PDZRN4: variants seen among roughly 807,000 people sequenced by gnomAD.
PDZRN4 encodes the protein PDZ domain-containing RING finger protein 4.
PDZRN4 carries 70 observed loss-of-function variants against 99.0 expected under a neutral mutation model. The ratio of observed to expected loss-of-function variants is 0.71; its 90% CI spans 0.58 to 0.86. The LOEUF is 0.86. Ranked by LOEUF, PDZRN4 falls within the 40% of genes least tolerant of loss-of-function variation. The pLI, the probability that PDZRN4 is intolerant of heterozygous loss-of-function variation, is 0.00. For synonymous variants in PDZRN4, 551 were observed against 501.6 expected (o/e 1.10, Z -1.32); for missense variants, 1,474 against 1,331.2 (o/e 1.11, Z -1.67).
rs1368695309 is a variant in PDZRN4 at position 41,509,800 on chromosome 12, A to T, written c.1101-11A>T. 2 of 1,313,264 alleles carry T rather than the reference A, an allele frequency of 1.5e-6. No individual in the cohort carries two copies. The highest frequency in any genetic ancestry group is 1.9e-5 in the Admixed American group (1 of 52,352). 81.4% of individuals were successfully genotyped at this position (1,313,264 alleles called of 1,614,324 possible). Reference sequence around the variant, plus strand: ...TAATCTATTCCTATCATATTGCTACATTCCCCATAGCTGCCATTCTCTACA... The same window carrying T: ...TAATCTATTCCTATCATATTGCTACTTTCCCCATAGCTGCCATTCTCTACA... On this transcript the variant is annotated splice_polypyrimidine_tract_variant and intron_variant, in intron 4 of 9. Coordinates refer to ENST00000402685, the MANE Select transcript of PDZRN4 (RefSeq NM_001164595.2).
At chr12:41,286,697 A>G (rs533984949) in intron 3 of PDZRN4, among the ~76,000 whole-genome samples, 120 of 152,268 alleles carry the variant, frequency 7.9e-4, no homozygotes, top group Middle Eastern at 3.4e-3. Context: ...GTTCACTACA[A>G]GTCTTTGCTT....
Position 41,382,361 on chromosome 12 carries a change from C to A in PDZRN4, c.844-124095C>A, listed in dbSNP as rs115712839. ...GTATGGTCACTGACTAGTTTCCCTG[C>A]GCTGTGCATGTCCACTGGCTGACCA... is the stretch of plus-strand genomic sequence containing the variant. On this transcript the variant is annotated intron_variant, in intron 3 of 9. Coordinates refer to ENST00000402685, the MANE Select transcript of PDZRN4 (RefSeq NM_001164595.2). Among the ~76,000 whole-genome samples the A allele has an allele frequency of 6.6e-4, 100 of 152,262 alleles. 1 individual carries two copies. The highest frequency in any genetic ancestry group is 1.9e-3 in the African/African-American group (77 of 41,562).
chr12:41,555,222 C>A (rs1437297274), intron 6 of PDZRN4, among the ~76,000 whole-genome samples: 1 of 14,878 alleles, frequency 6.7e-5, no homozygotes, highest in African/African-American at 2.5e-4. Context: ...CAGAGCCAGA[C>A]TCTGTCTCAA....
chr12:41,408,605 C>A lies in PDZRN4; in HGVS notation c.844-97851C>A, dbSNP rs1173592938. The stretch of plus-strand genomic sequence containing the variant: ...TGGAAAGATTATATGGCTTCTCTTA[C>A]AACTGGAGGTCTGCTGAAGACTTTG... On this transcript the variant is annotated intron_variant, in intron 3 of 9. Coordinates refer to ENST00000402685, the MANE Select transcript of PDZRN4 (RefSeq NM_001164595.2). 2.0e-5 allele frequency among the ~76,000 whole-genome samples: 3 copies of A among 152,182 alleles called. No homozygotes were observed. In the South Asian group the frequency reaches 6.2e-4, roughly 32 times the overall value.
chr12:41,257,439 C>T (rs2120822942), intron 3 of PDZRN4, among the ~76,000 whole-genome samples: 1 of 152,176 alleles, frequency 6.6e-6, no homozygotes, highest in East Asian at 1.9e-4. Context: ...ATACCATCGA[C>T]TTAGTGATTA....
chr12:41,337,199 G>A (rs1022517479), intron 3 of PDZRN4, among the ~76,000 whole-genome samples: 1 of 152,106 alleles, frequency 6.6e-6, no homozygotes, highest in African/African-American at 2.4e-5. Context: ...GCAAGATGGA[G>A]TTAGTTAGGT....
chr12:41,492,470 G>A (rs1937906476), intron 3 of PDZRN4, among the ~76,000 whole-genome samples: 1 of 152,156 alleles, frequency 6.6e-6, no homozygotes, highest in African/African-American at 2.4e-5. Flanking sequence ...ACTATTCAAA[G>A]TAAAAGCCAT....
intron 3 of PDZRN4, among the ~76,000 whole-genome samples, chr12:41,313,858 A>G (rs929751878): frequency 6.6e-6 from 1 of 152,182 alleles, no homozygotes; most frequent in Non-Finnish European, 1.5e-5. Context: ...TCATTCTACC[A>G]TCTGTATTCT....
intron 3 of PDZRN4, among the ~76,000 whole-genome samples, chr12:41,442,224 A>G (rs924361065): frequency 1.3e-5 from 2 of 151,896 alleles, no homozygotes; most frequent in African/African-American, 2.4e-5. Context: ...AGGCCTCCCA[A>G]TTTGGACCCT....
intron 1 of PDZRN4, among the ~76,000 whole-genome samples, chr12:41,189,863 G>T (rs1269152075): frequency 3.7e-4 from 57 of 152,090 alleles, no homozygotes; most frequent in Non-Finnish European, 5.9e-5. Flanking sequence ...CCGGCCCTGC[G>T]AGCCCCCAGG....
At chr12:41,538,472 C>G (rs1938787165) in intron 5 of PDZRN4, among the ~76,000 whole-genome samples, 1 of 152,104 alleles carries the variant, frequency 6.6e-6, no homozygotes, top group Non-Finnish European at 1.5e-5. Context: ...TGCTGATATA[C>G]TCGGGTTAAT....
intron 3 of PDZRN4, among the ~76,000 whole-genome samples, chr12:41,281,803 T>C (rs1415597089): frequency 6.6e-6 from 1 of 152,050 alleles, no homozygotes; most frequent in African/African-American, 2.4e-5. Context: ...TTCAGGATGC[T>C]TTCCTTGCCT....
intron 2 of PDZRN4, among the ~76,000 whole-genome samples, chr12:41,192,834 A>G (rs532114607): frequency 2.0e-5 from 3 of 152,364 alleles, no homozygotes; most frequent in South Asian, 4.1e-4. Context: ...TTCAAAATGC[A>G]TATTTTAAAC....
At chr12:41,539,680 T>C (rs936656149) in intron 5 of PDZRN4, among the ~76,000 whole-genome samples, 11 of 152,172 alleles carry the variant, frequency 7.2e-5, no homozygotes, top group African/African-American at 2.7e-4. Context: ...GGGTTATCTA[T>C]TTTCTATTCT....
chr12:41,533,136 T>G (rs567917472), intron 5 of PDZRN4, among the ~76,000 whole-genome samples: 2 of 152,036 alleles, frequency 1.3e-5, no homozygotes, highest in African/African-American at 4.8e-5. Flanking sequence ...ACATCCAAGT[T>G]CAGAAATATT....
At chr12:41,367,924 A>G (rs1050804444) in intron 3 of PDZRN4, among the ~76,000 whole-genome samples, 2 of 152,222 alleles carry the variant, frequency 1.3e-5, no homozygotes, top group Admixed American at 1.3e-4. Context: ...GAGTTTAACA[A>G]TCTGGTTTTG....
intron 1 of PDZRN4, among the ~76,000 whole-genome samples, chr12:41,190,156 T>C (rs1950727164): frequency 6.6e-6 from 1 of 152,124 alleles, no homozygotes; most frequent in Non-Finnish European, 1.5e-5. Context: ...AGATTCCCAT[T>C]TGGGACTGGC....
intron 3 of PDZRN4, among the ~76,000 whole-genome samples, chr12:41,271,029 A>G (rs919934486): frequency 1.3e-5 from 2 of 152,082 alleles, no homozygotes; most frequent in Non-Finnish European, 2.9e-5. Context: ...CATCACATAT[A>G]TGACTAATTC....
chr12:41,396,884 A>C (rs780876798), intron 3 of PDZRN4, among the ~76,000 whole-genome samples: 3 of 152,196 alleles, frequency 2.0e-5, no homozygotes, highest in Non-Finnish European at 2.9e-5. Context: ...AGAAAATGAT[A>C]AAAGATTAAG....
Sources: allele counts gnomAD v4.1 joint callset (sites outside exome capture counted in the v4.1 genomes callset), GRCh38; gene constraint gnomAD v4.1.1; transcripts MANE v1.5; gene names NCBI Gene and HGNC (gene_info 2026-07-23, HGNC 2026-07-21).